Variants in MAN2B2 observed in about 807,000 individuals in gnomAD.
The protein encoded by MAN2B2 is epididymis-specific alpha-mannosidase.
Under a neutral mutation model 117.1 loss-of-function variants are expected in MAN2B2, and 106 were observed. The observed-to-expected ratio is 0.90, with a 90% CI of 0.77 to 1.06. The LOEUF (loss-of-function observed/expected upper bound fraction) is 1.06. Among genes scored for constraint, MAN2B2 ranks in the 50% least tolerant of loss-of-function variants. The probability of loss-of-function intolerance (pLI) is 0.00; values close to 1 mark genes in which losing one functional copy is unlikely to be tolerated. For missense variants in MAN2B2, 1,326 were observed against 1,381.4 expected, an observed-to-expected ratio of 0.96 and a Z score of 0.64; for synonymous variants, 544 against 595.1, an observed-to-expected ratio of 0.91 and a Z score of 1.25.
intron 16 of MAN2B2, 42 bp downstream of exon 16, chr4:6,614,397 C>A: frequency 1.2e-6 from 2 of 1,601,960 alleles, no homozygotes; most frequent in Non-Finnish European, 1.7e-6. Context: ...CTCCTCCCTC[C>A]CTGAGTCAAA....
At chr4:6,606,345 G>C (rs73796296) in intron 11 of MAN2B2, among the ~76,000 whole-genome samples, 1 of 152,240 alleles carries the variant, frequency 6.6e-6, no homozygotes, top group Non-Finnish European at 1.5e-5. Flanking sequence ...TGGGGCAGGT[G>C]CAGGGGTGAC....
rs1168093081 is a variant in MAN2B2 at position 6,619,976 on chromosome 4, T to C, written c.2864T>C (p.Leu955Pro). ...GTGGTGGCAGTGGAGGAGCGCTCGC[T>C]CACAGGGACCTGGGATTTGAGCATG... ...GSVVAVEERS[L>P]TGTWDLSMLH... The change falls in exon 18 of 19, where the codon CTC becomes CCC. Residue 955 changes from leucine (L) to proline (P), a missense_variant. Physicochemically the swap from Leu to Pro is moderately conservative, Grantham distance 98. Transcript: ENST00000285599. 2.5e-6 allele frequency: 4 copies of C among 1,613,962 alleles called. No homozygotes were observed. Among genetic ancestry groups the C allele is most frequent in the Non-Finnish European group, 3.4e-6 (4 of 1,179,980 alleles).
chr4:6,608,452 A>G (rs1467334263), intron 11 of MAN2B2, among the ~76,000 whole-genome samples: 3 of 152,212 alleles, frequency 2.0e-5, no homozygotes, highest in African/African-American at 7.2e-5. Flanking sequence ...CAAATATTGC[A>G]TTTTACAATT....
chr4:6,610,426 G>A (rs1041855409), intron 13 of MAN2B2, among the ~76,000 whole-genome samples: 2 of 152,146 alleles, frequency 1.3e-5, no homozygotes, highest in Admixed American at 1.3e-4. Context: ...CAAAGTGCTG[G>A]GATTACAGGT....
chr4:6,590,583 T>C (rs1284006753), intron 5 of MAN2B2, among the ~76,000 whole-genome samples: 4 of 152,170 alleles, frequency 2.6e-5, no homozygotes, highest in Admixed American at 2.6e-4. Context: ...CACTGTCCAG[T>C]GTCTCTCTAA....
intron 5 of MAN2B2, among the ~76,000 whole-genome samples, chr4:6,592,425 C>T (rs1488957132): frequency 6.6e-6 from 1 of 152,128 alleles, no homozygotes; most frequent in East Asian, 1.9e-4. Flanking sequence ...TCGAGACCAG[C>T]CTGGGCCACA....
intron 16 of MAN2B2, among the ~76,000 whole-genome samples, chr4:6,616,826 C>T (rs1289710478): frequency 6.6e-6 from 1 of 152,162 alleles, no homozygotes; most frequent in African/African-American, 2.4e-5. Flanking sequence ...AGCTGTATGC[C>T]TTGGGCACGT....
At chr4:6,585,718 C>T (rs1387514827) in intron 3 of MAN2B2, among the ~76,000 whole-genome samples, 1 of 152,182 alleles carries the variant, frequency 6.6e-6, no homozygotes, top group African/African-American at 2.4e-5. Context: ...AAGTTGCCAT[C>T]TGGGAGTCAG....
Position 6,620,025 on chromosome 4 carries a change from G to A in MAN2B2, c.2913G>A (p.Thr971=), listed in dbSNP as rs752025530. ...TGCTGCACCGCTGGAGCTGGAGGACGGGGCCTGGCCGCCACAGAGGTTTGG... is the reference window on the plus strand; with the variant it reads ...TGCTGCACCGCTGGAGCTGGAGGACAGGGCCTGGCCGCCACAGAGGTTTGG... ...LSMLHRWSWR[T]GPGRHRGDTT... The change falls in exon 18 of 19, where the codon ACG becomes ACA. Residue 971 remains threonine, a synonymous_variant. Coordinates refer to ENST00000285599, the MANE Select transcript of MAN2B2 (RefSeq NM_015274.3). 8.7e-6 allele frequency: 14 copies of A among 1,612,532 alleles called. No homozygotes were observed. Among genetic ancestry groups the A allele is most frequent in the African/African-American group, 6.7e-5 (5 of 74,896 alleles).
At chr4:6,603,860 T>C (rs1727427669) in intron 10 of MAN2B2, among the ~76,000 whole-genome samples, 5 of 151,880 alleles carry the variant, frequency 3.3e-5, no homozygotes, top group Admixed American at 3.3e-4. Context: ...GGAACAGGTA[T>C]CTGCTGTATT....
chr4:6,621,102 A>C (rs1419712623), intron 18 of MAN2B2, 86 bp from the exon 19 acceptor site: 3 of 930,824 alleles, frequency 3.2e-6, no homozygotes, highest in Non-Finnish European at 3.4e-6. Context: ...GAGCCACAGC[A>C]GACTGTAGAC....
In MAN2B2 at chr4:6,578,510, C is replaced by A. The variant is rs1223769838; in HGVS notation, c.391+12C>A. On this transcript the variant is annotated intron_variant, in intron 3 of 18. Transcript: ENST00000285599. ...CCTGCAGCTCACAGGTTTGGCCACC[C>A]TACCCTGCACCCAGGGTCCCTCAGG... The A allele has an allele frequency of 6.2e-7, 1 of 1,608,952 alleles. No individual in the cohort carries two copies.
intron 11 of MAN2B2, 21 bp from the exon 12 acceptor site, chr4:6,609,086 T>C (rs200178584): frequency 5.6e-6 from 9 of 1,603,182 alleles, no homozygotes; most frequent in Non-Finnish European, 6.0e-6. Context: ...GAATGACATC[T>C]TCTCTCTCCT....
At chr4:6,584,702 C>T (rs549242404) in intron 3 of MAN2B2, among the ~76,000 whole-genome samples, 1 of 152,206 alleles carries the variant, frequency 6.6e-6, no homozygotes, top group Non-Finnish European at 1.5e-5. Flanking sequence ...CAGAGGAACT[C>T]GAGGCCTGGA....
chr4:6,599,180 C>A (rs1727224772), intron 9 of MAN2B2, among the ~76,000 whole-genome samples: 1 of 152,178 alleles, frequency 6.6e-6, no homozygotes, highest in Non-Finnish European at 1.5e-5. Context: ...TCACTGCTGC[C>A]TTAGACTCCT....
rs371630380 is a variant in MAN2B2, at chr4:6,576,730, G to T, written c.285+6G>T. On this transcript the variant is annotated splice_donor_region_variant and intron_variant, in intron 2 of 18. Coordinates refer to ENST00000285599, the MANE Select transcript of MAN2B2 (RefSeq NM_015274.3). Reference sequence around the variant, plus strand: ...CGGACCAGCAGAAATACCAGGTAATGAGGTCACCAGGTGACACAGTTGGCC... The same window carrying T: ...CGGACCAGCAGAAATACCAGGTAATTAGGTCACCAGGTGACACAGTTGGCC... The T allele has an allele frequency of 1.1e-5, 17 of 1,613,536 alleles. No homozygotes were observed. Among genetic ancestry groups the T allele is most frequent in the Non-Finnish European group, 1.4e-5 (16 of 1,179,786 alleles).
chr4:6,604,129 C>T (rs559137298), intron 10 of MAN2B2, among the ~76,000 whole-genome samples: 4 of 152,272 alleles, frequency 2.6e-5, no homozygotes, highest in South Asian at 2.1e-4. Context: ...AGGCAGGAAA[C>T]GGCAGGAGTG....
At chr4:6,594,180 C>T (rs1577281332) in intron 6 of MAN2B2, among the ~76,000 whole-genome samples, 3 of 152,276 alleles carry the variant, frequency 2.0e-5, no homozygotes, top group African/African-American at 7.2e-5. Context: ...CTGTGGCTCA[C>T]ACCTATAATC....
At chr4:6,586,613 T>A (rs1726641849) in intron 3 of MAN2B2, among the ~76,000 whole-genome samples, 1 of 151,936 alleles carries the variant, frequency 6.6e-6, no homozygotes, top group Admixed American at 6.6e-5. Flanking sequence ...ATTCATGCAG[T>A]CAGGGAGTAG....
Sources: allele counts gnomAD v4.1 joint callset (sites outside exome capture counted in the v4.1 genomes callset), GRCh38; gene constraint gnomAD v4.1.1; transcripts MANE v1.5; gene names NCBI Gene and HGNC (gene_info 2026-07-23, HGNC 2026-07-21).